MAPK14: variants seen among roughly 807,000 people sequenced by gnomAD.
The protein encoded by MAPK14 is mitogen-activated protein kinase 14.
In MAPK14, 16 loss-of-function variants were observed where a neutral mutation model predicts 49.6. That is an observed-to-expected ratio of 0.32 (90% CI 0.22 to 0.49). The LOEUF (loss-of-function observed/expected upper bound fraction) is 0.49, where lower values mean the gene tolerates loss of function less well. Ranked by LOEUF, MAPK14 falls within the 20% of genes least tolerant of loss-of-function variation. MAPK14 has a pLI of 0.99. For missense variants in MAPK14, 200 were observed against 441.2 expected, an observed-to-expected ratio of 0.45 and a Z score of 4.90; for synonymous variants, 142 against 158.0, an observed-to-expected ratio of 0.90 and a Z score of 0.76.
downstream of MAPK14, among the ~76,000 whole-genome samples, chr6:36,114,215 G>A (rs1183759419): frequency 6.6e-6 from 1 of 152,146 alleles, no homozygotes; most frequent in Admixed American, 6.5e-5. Context: ...AATCATCCCT[G>A]GTTGAAAACC....
At chr6:36,075,269 A>G (rs974649209) in intron 6 of MAPK14, among the ~76,000 whole-genome samples, 13 of 148,446 alleles carry the variant, frequency 8.8e-5, no homozygotes, top group South Asian at 2.1e-4. Flanking sequence ...GTCCCTTCCT[A>G]GTCAATCCCT....
chr6:36,037,772 C>T (rs1762807930), intron 1 of MAPK14, among the ~76,000 whole-genome samples: 2 of 152,014 alleles, frequency 1.3e-5, no homozygotes, highest in Admixed American at 1.3e-4. Context: ...TCCTTGAGCC[C>T]AGTAGTTAGA....
At chr6:36,031,541 G>C (rs1239179177) in intron 1 of MAPK14, among the ~76,000 whole-genome samples, 1 of 151,872 alleles carries the variant, frequency 6.6e-6, no homozygotes, top group Non-Finnish European at 1.5e-5. Context: ...AAGTAGCTGG[G>C]ATACAAGTGC....
intron 1 of MAPK14, among the ~76,000 whole-genome samples, chr6:36,046,284 T>C (rs1212084241): frequency 3.3e-5 from 5 of 152,240 alleles, no homozygotes; most frequent in Non-Finnish European, 7.3e-5. Context: ...TCATGTAAAT[T>C]CACAATTGGG....
chr6:36,049,968 C>T (rs1187645858), intron 1 of MAPK14, among the ~76,000 whole-genome samples: 1 of 152,144 alleles, frequency 6.6e-6, no homozygotes, highest in Non-Finnish European at 1.5e-5. Context: ...GCAAGGGCAA[C>T]TCTTGAGGGA....
the MAPK14 span, among the ~76,000 whole-genome samples, chr6:36,121,068 CT>C: frequency 1.3e-5 from 2 of 152,054 alleles, no homozygotes; most frequent in Non-Finnish European, 2.9e-5. Flanking sequence ...CCCACCCCCC[CT>C]CCTTGGCAAA....
chr6:36,087,938 C>A (rs1765054193), intron 8 of MAPK14, among the ~76,000 whole-genome samples: 1 of 151,640 alleles, frequency 6.6e-6, no homozygotes, highest in Admixed American at 6.6e-5. Flanking sequence ...AAAAACAGAC[C>A]AATGGAACAG....
intron 1 of MAPK14, among the ~76,000 whole-genome samples, chr6:36,034,210 A>G (rs774994948): frequency 3.3e-4 from 50 of 152,206 alleles, no homozygotes; most frequent in Non-Finnish European, 5.4e-4. Flanking sequence ...TTAACCCATT[A>G]GAGTCATGTC....
intron 8 of MAPK14, among the ~76,000 whole-genome samples, chr6:36,081,846 A>G (rs1191782580): frequency 6.6e-6 from 1 of 152,206 alleles, no homozygotes; most frequent in Non-Finnish European, 1.5e-5. Context: ...TTGACATCTT[A>G]ACCACTATTA....
At chr6:36,039,650 C>T (rs1401220160) in intron 1 of MAPK14, among the ~76,000 whole-genome samples, 2 of 152,072 alleles carry the variant, frequency 1.3e-5, no homozygotes, top group Non-Finnish European at 2.9e-5. Flanking sequence ...ATTTCCAGTG[C>T]ACTATACTAG....
chr6:36,029,182 A>G (rs1762435869), intron 1 of MAPK14: 1 of 152,198 alleles, frequency 6.6e-6, no homozygotes, highest in Non-Finnish European at 1.5e-5. Context: ...ATTTTTTGAG[A>G]TAATTCCTGC....
At position 36,035,293 on chromosome 6, in the gene MAPK14, T is replaced by C. The variant is rs141724177; in HGVS notation, c.116+7020T>C. Among the ~76,000 whole-genome samples the C allele has an allele frequency of 6.4e-3, 981 of 152,332 alleles. 15 individuals carry two copies. Among genetic ancestry groups the C allele is most frequent in the African/African-American group, 0.022 (908 of 41,558 alleles). On this transcript the variant is annotated intron_variant, in intron 1 of 11. Coordinates refer to ENST00000229794, the MANE Select transcript of MAPK14 (RefSeq NM_139012.3). Reference sequence around the variant, plus strand: ...TATTAAATATTATGGGGATCTGAGATCACTGATCTTTGATGTTGCTGTTGT... The same window carrying C: ...TATTAAATATTATGGGGATCTGAGACCACTGATCTTTGATGTTGCTGTTGT...
At chr6:36,123,329 C>G in the MAPK14 span, among the ~76,000 whole-genome samples, 2 of 152,318 alleles carry the variant, frequency 1.3e-5, no homozygotes, top group Non-Finnish European at 2.9e-5. Flanking sequence ...CAGCCTCATG[C>G]TAGGACCTTG....
At chr6:36,067,886 T>G (rs1015873148) in intron 3 of MAPK14, among the ~76,000 whole-genome samples, 1 of 152,094 alleles carries the variant, frequency 6.6e-6, no homozygotes, top group Non-Finnish European at 1.5e-5. Context: ...TCTCGGTACT[T>G]TAGATACTAC....
At chr6:36,030,544 G>A (rs1295790494) in intron 1 of MAPK14, among the ~76,000 whole-genome samples, 4 of 151,860 alleles carry the variant, frequency 2.6e-5, no homozygotes, top group Admixed American at 2.6e-4. Flanking sequence ...AAAATTAGCC[G>A]CCCGTGGTGG....
the MAPK14 span, among the ~76,000 whole-genome samples, chr6:36,123,546 C>T: frequency 7.2e-5 from 11 of 152,192 alleles, no homozygotes; most frequent in African/African-American, 2.7e-4. Context: ...CATCTTCCTC[C>T]TATGGGTAGT....
In MAPK14 at chr6:36,095,977, C is replaced by T; in HGVS notation, c.683-10C>T. ...TTGTCCCAACATTTTCCTTTATGGT[C>T]CACCATTAGATATTGATCAGTTGAA... On this transcript the variant is annotated splice_polypyrimidine_tract_variant and intron_variant, in intron 8 of 11. Coordinates refer to ENST00000229794, the MANE Select transcript of MAPK14 (RefSeq NM_139012.3). The T allele has an allele frequency of 1.3e-6, 2 of 1,541,726 alleles. No homozygotes were observed. Among genetic ancestry groups the T allele is most frequent in the Non-Finnish European group, 1.8e-6 (2 of 1,121,514 alleles).
intron 1 of MAPK14, among the ~76,000 whole-genome samples, chr6:36,041,583 T>A (rs1762963328): frequency 1.3e-5 from 2 of 152,204 alleles, no homozygotes; most frequent in Admixed American, 1.3e-4. Flanking sequence ...CTAACTTCCG[T>A]TGGAATGGGA....
the MAPK14 span, among the ~76,000 whole-genome samples, chr6:36,122,009 A>G: frequency 6.6e-6 from 1 of 152,250 alleles, no homozygotes; most frequent in East Asian, 1.9e-4. Flanking sequence ...TATTAAATGC[A>G]TATAATAGAA....
Sources: gnomAD v4.1 joint callset for allele counts (sites outside exome capture counted in the v4.1 genomes callset) on GRCh38, gnomAD v4.1.1 for gene constraint, MANE v1.5 for transcripts, NCBI Gene and HGNC (gene_info 2026-07-23, HGNC 2026-07-21) for gene names.